Variants in RAB11FIP4 observed in about 807,000 individuals in gnomAD.
RAB11FIP4 encodes rab11 family-interacting protein 4.
Under a neutral mutation model 74.3 loss-of-function variants are expected in RAB11FIP4, and 23 were observed. The ratio of observed to expected loss-of-function variants is 0.31; its 90% CI spans 0.22 to 0.44. The LOEUF is 0.44. Ranked by LOEUF, RAB11FIP4 falls within the 20% of genes least tolerant of loss-of-function variation. The pLI, the probability that RAB11FIP4 is intolerant of heterozygous loss-of-function variation, is 1.00. For synonymous variants in RAB11FIP4, 360 were observed against 359.9 expected (o/e 1.00, Z 0.00); for missense variants, 630 against 863.9 (o/e 0.73, Z 3.39).
chr17:31,485,816 T>A (rs563034550), intron 3 of RAB11FIP4, among the ~76,000 whole-genome samples: 38 of 152,294 alleles, frequency 2.5e-4, no homozygotes, highest in African/African-American at 7.0e-4. Flanking sequence ...ACATTGAGTC[T>A]TAGAGAAGTA....
At chr17:31,475,831 A>G (rs1215201582) in intron 3 of RAB11FIP4, among the ~76,000 whole-genome samples, 3 of 144,164 alleles carry the variant, frequency 2.1e-5, no homozygotes, top group African/African-American at 7.8e-5. Context: ...TTGCTATTTG[A>G]AATGGCCCCC....
chr17:31,413,148 G>C (rs1340490695), intron 1 of RAB11FIP4, among the ~76,000 whole-genome samples: 1 of 152,162 alleles, frequency 6.6e-6, no homozygotes, highest in African/African-American at 2.4e-5. Context: ...TTTTCAGTTT[G>C]AGTCTAGTTG....
At chr17:31,443,006 T>TC (rs1854073427) in intron 3 of RAB11FIP4, among the ~76,000 whole-genome samples, 1 of 151,696 alleles carries the variant, frequency 6.6e-6, no homozygotes, top group Non-Finnish European at 1.5e-5. Context: ...AACTGCCTAA[T>TC]ACTAATCTGC....
At chr17:31,499,962 T>A (rs923140995) in intron 3 of RAB11FIP4, among the ~76,000 whole-genome samples, 1 of 152,170 alleles carries the variant, frequency 6.6e-6, no homozygotes, top group Non-Finnish European at 1.5e-5. Flanking sequence ...CAATTTAAGT[T>A]CTGTTTTCTT....
At position 31,534,291 on chromosome 17, in the gene RAB11FIP4, A is replaced by T. The variant is rs1718027256; in HGVS notation, c.*2559A>T. 6.6e-6 allele frequency: 1 copy of T among 152,216 alleles called. No homozygotes were observed. The highest frequency in any genetic ancestry group is 2.4e-5 in the African/African-American group (1 of 41,448). 9.4% of individuals were successfully genotyped at this position (152,216 alleles called of 1,614,324 possible). A position where few individuals can be genotyped will look rare whatever the true frequency, so the allele number is the denominator to read the frequency against. On this transcript the variant is annotated 3_prime_UTR_variant, in exon 15 of 15. Transcript: ENST00000621161. ...TGGGACAGATGTTATTTTTAGAGAT[A>T]GGATCTTGCTCTGTTGCCCAGGCTG...
chr17:31,511,974 C>A (rs8066125), intron 3 of RAB11FIP4, among the ~76,000 whole-genome samples: 1 of 151,968 alleles, frequency 6.6e-6, no homozygotes, highest in Non-Finnish European at 1.5e-5. Context: ...AGTGGGACAG[C>A]GAGGTAGGGG....
chr17:31,402,129 A>G (rs1264678065), intron 1 of RAB11FIP4, among the ~76,000 whole-genome samples: 5 of 151,948 alleles, frequency 3.3e-5, no homozygotes, highest in Admixed American at 1.3e-4. Context: ...CGCACCCCTT[A>G]GTCCACCCAT....
chr17:31,488,309 C>G, intron 3 of RAB11FIP4: 1 of 1,174,114 alleles, frequency 8.5e-7, no homozygotes, highest in Non-Finnish European at 1.1e-6. Context: ...TCGCAGGGCT[C>G]CGGCGGCGCG....
intron 3 of RAB11FIP4, among the ~76,000 whole-genome samples, chr17:31,509,950 C>G (rs570380992): frequency 1.3e-5 from 2 of 152,300 alleles, no homozygotes; most frequent in South Asian, 4.1e-4. Flanking sequence ...TGAACCAAAA[C>G]CTCTTATCAG....
At chr17:31,478,181 C>CG (rs1567669272) in intron 3 of RAB11FIP4, among the ~76,000 whole-genome samples, 1 of 151,842 alleles carries the variant, frequency 6.6e-6, no homozygotes, top group Admixed American at 6.6e-5. Context: ...TTAGTAGAGA[C>CG]GGGGTTTCAC....
Position 31,429,550 on chromosome 17 carries a change from G to A in RAB11FIP4, c.160-2263G>A, listed in dbSNP as rs375303695. Among the ~76,000 whole-genome samples, 29 of 152,340 alleles carry A rather than the reference G, an allele frequency of 1.9e-4. No individual in the cohort carries two copies. The East Asian group carries it at 5.4e-3, about 28-fold the overall frequency. The stretch of plus-strand genomic sequence containing the variant: ...TCCGTAAAAATTGGTCTCCTGGCTG[G>A]GCGTGGTGGATCACGCCTGTAATCC... On this transcript the variant is annotated intron_variant, in intron 1 of 14. Coordinates refer to ENST00000621161, the MANE Select transcript of RAB11FIP4 (RefSeq NM_032932.6).
At chr17:31,472,116 C>T (rs2071743051) in intron 3 of RAB11FIP4, among the ~76,000 whole-genome samples, 2 of 150,558 alleles carry the variant, frequency 1.3e-5, no homozygotes, top group African/African-American at 4.9e-5. Context: ...GAGCTGAGAT[C>T]GTGCCATTGC....
intron 3 of RAB11FIP4, among the ~76,000 whole-genome samples, chr17:31,511,566 C>T (rs1033084399): frequency 1.3e-5 from 2 of 152,240 alleles, no homozygotes; most frequent in African/African-American, 4.8e-5. Context: ...CCCATAGCTA[C>T]CCACTTAGGG....
At chr17:31,445,517 C>T (rs956916351) in intron 3 of RAB11FIP4, among the ~76,000 whole-genome samples, 16 of 125,086 alleles carry the variant, frequency 1.3e-4, no homozygotes, top group South Asian at 2.6e-4. Flanking sequence ...AATCTACATT[C>T]AAATTTTCCC....
chr17:31,448,078 C>G (rs2071485887), intron 3 of RAB11FIP4, among the ~76,000 whole-genome samples: 1 of 152,096 alleles, frequency 6.6e-6, no homozygotes, highest in Non-Finnish European at 1.5e-5. Context: ...TCCCAAAATG[C>G]TAGGATTACA....
chr17:31,403,476 C>T (rs532493411), intron 1 of RAB11FIP4, among the ~76,000 whole-genome samples: 66 of 152,120 alleles, frequency 4.3e-4, no homozygotes, highest in Middle Eastern at 3.4e-3. Flanking sequence ...GAGTGCACCA[C>T]CACACCCAGC....
At chr17:31,530,292 G>GGGGTTGAT (rs753654068) in intron 13 of RAB11FIP4, 34 bp from the exon 14 acceptor site, 1 of 1,610,492 alleles carries the variant, frequency 6.2e-7, no homozygotes, top group African/African-American at 1.3e-5. Flanking sequence ...GATGCCTCTT[G>GGGGTTGAT]GGGTTGATGT....
At chr17:31,495,315 G>T (rs1373336132) in intron 3 of RAB11FIP4, among the ~76,000 whole-genome samples, 4 of 151,042 alleles carry the variant, frequency 2.6e-5, no homozygotes, top group Admixed American at 1.3e-4. Context: ...AAGCTGGCTA[G>T]CCTGGCCTAG....
chr17:31,503,619 G>T (rs889450094), intron 3 of RAB11FIP4, among the ~76,000 whole-genome samples: 5 of 149,184 alleles, frequency 3.4e-5, no homozygotes, highest in African/African-American at 1.3e-4. Flanking sequence ...TTCTAGGACT[G>T]TTATGACTGT....
Sources: allele counts gnomAD v4.1 joint callset (sites outside exome capture counted in the v4.1 genomes callset), GRCh38; gene constraint gnomAD v4.1.1; transcripts MANE v1.5; gene names NCBI Gene and HGNC (gene_info 2026-07-23, HGNC 2026-07-21).